CELSR3: variants seen among roughly 807,000 people sequenced by gnomAD.
The protein encoded by CELSR3 is EGF-like protein 1.
In CELSR3, 73 loss-of-function variants were observed where a neutral mutation model predicts 270.0. The observed-to-expected ratio is 0.27, with a 90% CI of 0.22 to 0.33. CELSR3 has a LOEUF of 0.33. Among genes scored for constraint, CELSR3 ranks in the 10% least tolerant of loss-of-function variants. CELSR3 has a pLI of 1.00. For missense variants in CELSR3, 3,614 were observed against 4,533.8 expected (o/e 0.80, Z 5.83); for synonymous variants, 1,780 against 1,905.4 (o/e 0.93, Z 1.71).
In CELSR3 at chr3:48,638,742, G is replaced by A. The variant is rs561617013; in HGVS notation, c.9912-510C>T. On this transcript the variant is annotated intron_variant, in intron 34 of 34. Coordinates refer to ENST00000164024, the MANE Select transcript of CELSR3 (RefSeq NM_001407.3). ...GCTAGACTGCAGGGGGACCCAGGCC[G>A]TGGGTTAGCTCCCTCTGGTCCCCAC... Among the ~76,000 whole-genome samples the A allele has an allele frequency of 2.4e-4, 36 of 149,856 alleles. 1 individual carries two copies. The highest frequency in any genetic ancestry group is 8.4e-4 in the African/African-American group (33 of 39,346).
chr3:48,655,637 T>A lies in CELSR3; in HGVS notation c.4741+99A>T, dbSNP rs890806769. The A allele has an allele frequency of 9.5e-7, 1 of 1,053,878 alleles. No individual in the cohort carries two copies. Among genetic ancestry groups the A allele is most frequent in the Non-Finnish European group, 1.5e-6 (1 of 677,624 alleles). The allele number at this position is 1,053,878 out of a possible 1,614,324, so 65.3% of individuals were successfully genotyped here. On this transcript the variant is annotated intron_variant, in intron 4 of 34. Coordinates refer to ENST00000164024, the MANE Select transcript of CELSR3 (RefSeq NM_001407.3). This position sits in a 1 kb window ranked among gnomAD's most constrained non-coding sequence, Gnocchi z 5.8. ...TCTTCAGGGCTTGCATGGCGTGGAGTGTGTGCTCAGGTGCACAGTGAAGCA... is the reference window on the plus strand; with the variant it reads ...TCTTCAGGGCTTGCATGGCGTGGAGAGTGTGCTCAGGTGCACAGTGAAGCA...
In CELSR3 at chr3:48,658,966, C is replaced by A; in HGVS notation, c.3669G>T (p.Gln1223His). Residue 1223 changes from glutamine to histidine, a missense_variant, in exon 1 of 35, where the codon CAG becomes CAT. Physicochemically the swap from Gln to His is conservative, Grantham distance 24. Around this residue, in one of 7 missense-constraint regions of CELSR3, gnomAD observed 1,331 missense variants for 1,933.7 expected, o/e 0.69. Coordinates refer to ENST00000164024, the MANE Select transcript of CELSR3 (RefSeq NM_001407.3). The surrounding 1 kb of genome is among the most constrained non-coding windows in gnomAD (Gnocchi z 4.7). ...GGCTGAGTCGCAGCTCCCCACTGGT[C>A]TGGTTGACTACCAGCAGCTGCAGCT... ...GNELQLLVVN[Q>H]TSGELRLSRK... 1 of 1,614,206 alleles carries A rather than the reference C, an allele frequency of 6.2e-7. No individual in the cohort carries two copies. Among genetic ancestry groups the A allele is most frequent in the Non-Finnish European group, 8.5e-7 (1 of 1,180,046 alleles).
In CELSR3 at chr3:48,642,073, G is replaced by A. The variant is rs2047032161; in HGVS notation, c.8666-64C>T. The A allele has an allele frequency of 2.1e-6, 3 of 1,463,112 alleles. No homozygotes were observed. Among genetic ancestry groups the A allele is most frequent in the Non-Finnish European group, 1.8e-6 (2 of 1,095,446 alleles). 90.6% of individuals were successfully genotyped at this position (1,463,112 alleles called of 1,614,324 possible). A position where few individuals can be genotyped will look rare whatever the true frequency, so the allele number is the denominator to read the frequency against. ...GGACTTGGAGATAAGGGAATTTGGA[G>A]TTGAGGGTCTAGAGGTGGGTACGGC... On this transcript the variant is annotated intron_variant, in intron 31 of 34. Transcript: ENST00000164024. This position sits in a 1 kb window ranked among gnomAD's most constrained non-coding sequence, Gnocchi z 6.1.
In CELSR3 at chr3:48,658,449, G is replaced by T. The variant is rs1177504536; in HGVS notation, c.3748+438C>A. On this transcript the variant is annotated intron_variant, in intron 1 of 34. Coordinates refer to ENST00000164024, the MANE Select transcript of CELSR3 (RefSeq NM_001407.3). This position sits in a 1 kb window ranked among gnomAD's most constrained non-coding sequence, Gnocchi z 4.7. Reference sequence around the variant, plus strand: ...GCTTCCATAGTAAGCTGCTGTTCCTGACCACTCAAGTATTGGTCATTTCCT... The same window carrying T: ...GCTTCCATAGTAAGCTGCTGTTCCTTACCACTCAAGTATTGGTCATTTCCT... 6.6e-6 allele frequency among the ~76,000 whole-genome samples: 1 copy of T among 152,214 alleles called. No homozygotes were observed. Among genetic ancestry groups the T allele is most frequent in the Non-Finnish European group, 1.5e-5 (1 of 68,040 alleles).
Position 48,650,398 on chromosome 3 carries a change from T to G in CELSR3, c.6472+82A>C. 8.8e-6 allele frequency: 10 copies of G among 1,138,824 alleles called. No individual in the cohort carries two copies. The highest frequency in any genetic ancestry group is 2.7e-5 in the East Asian group (1 of 37,482). 70.5% of individuals were successfully genotyped at this position (1,138,824 alleles called of 1,614,324 possible). A position where few individuals can be genotyped will look rare whatever the true frequency, so the allele number is the denominator to read the frequency against. ...TCTTTGCAGGAACAAAGCCACCCAA[T>G]TTAGGAAAAGACATGGCTCTAGCAG... On this transcript the variant is annotated intron_variant, in intron 16 of 34. Coordinates refer to ENST00000164024, the MANE Select transcript of CELSR3 (RefSeq NM_001407.3). The surrounding 1 kb of genome is among the most constrained non-coding windows in gnomAD (Gnocchi z 5.1).
In CELSR3 at chr3:48,652,483, G is replaced by A. The variant is rs1222911615; in HGVS notation, c.5705C>T (p.Pro1902Leu). ...VKQLHVGGLPPGSAEEAPQGL... is the reference protein window; with the variant it reads ...VKQLHVGGLPLGSAEEAPQGL... ...CTGAGGAGCCTCCTCTGCACTGCCG[G>A]GGGGCAGGCCTCCCACGTGGAGCTG... The change falls in exon 11 of 35, where the codon CCC becomes CTC. Residue 1902 changes from proline (P) to leucine (L), a missense_variant. By Grantham distance (98) the Pro-to-Leu change is moderately conservative. Around this residue, in one of 7 missense-constraint regions of CELSR3, gnomAD observed 1,331 missense variants for 1,933.7 expected, o/e 0.69. Coordinates refer to ENST00000164024, the MANE Select transcript of CELSR3 (RefSeq NM_001407.3). The surrounding 1 kb of genome is among the most constrained non-coding windows in gnomAD (Gnocchi z 4.3). 1 of 1,613,758 alleles carries A rather than the reference G, an allele frequency of 6.2e-7. No homozygotes were observed. Among genetic ancestry groups the A allele is most frequent in the Non-Finnish European group, 8.5e-7 (1 of 1,179,980 alleles).
Position 48,654,566 on chromosome 3 carries a change from A to G in CELSR3, c.4989-114T>C. On this transcript the variant is annotated intron_variant, in intron 6 of 34. Transcript: ENST00000164024. This position sits in a 1 kb window ranked among gnomAD's most constrained non-coding sequence, Gnocchi z 5.4. ...CAGAGGGTAGGGTGATTGAGGGAGG[A>G]AAATAAGGCCGAGCTGTGGAAGGAG... is the stretch of plus-strand genomic sequence containing the variant. The G allele has an allele frequency of 1.1e-6, 1 of 882,520 alleles. No homozygotes were observed. Among genetic ancestry groups the G allele is most frequent in the Non-Finnish European group, 1.7e-6 (1 of 581,728 alleles). 54.7% of individuals were successfully genotyped at this position (882,520 alleles called of 1,614,324 possible).
rs1416057919 is a variant in CELSR3 at position 48,650,986 on chromosome 3, G to A, written c.6276C>T (p.His2092=). 1.2e-6 allele frequency: 2 copies of A among 1,611,376 alleles called. No homozygotes were observed. Among genetic ancestry groups the A allele is most frequent in the Non-Finnish European group, 8.5e-7 (1 of 1,179,468 alleles). ...CTGGGCGACAGGGGCACTGCCCGCT[G>A]TGGGGTGCACATGAGCGCGAGGTGG... ...VGSTSRSCAP[H]SGQCPCRPGA... is the part of the protein sequence containing the mutation. The change falls in exon 15 of 35, where the codon CAC becomes CAT. Residue 2092 remains histidine, a synonymous_variant. Coordinates refer to ENST00000164024, the MANE Select transcript of CELSR3 (RefSeq NM_001407.3). The surrounding 1 kb of genome is among the most constrained non-coding windows in gnomAD (Gnocchi z 5.1).
rs376108668 is a variant in CELSR3, at chr3:48,646,302, T to C, written c.7296-45A>G. The C allele has an allele frequency of 1.0e-5, 16 of 1,560,924 alleles. 2 individuals carry two copies. The highest frequency in any genetic ancestry group is 3.5e-5 in the South Asian group (3 of 85,108). The stretch of plus-strand genomic sequence containing the variant: ...GGCTTACGCACTGCTGACCTCCCCA[T>C]GCTCAGCCTGCTTGCCTCACCCCGT... On this transcript the variant is annotated intron_variant, in intron 21 of 34. Coordinates refer to ENST00000164024, the MANE Select transcript of CELSR3 (RefSeq NM_001407.3). The surrounding 1 kb of genome is among the most constrained non-coding windows in gnomAD (Gnocchi z 4.8).
At chr3:48,648,629 G>C in intron 18 of CELSR3, 90 bp downstream of exon 18, 1 of 1,477,948 alleles carries the variant, frequency 6.8e-7, no homozygotes, top group Admixed American at 1.9e-5. Flanking sequence ...CACTTCCCAA[G>C]AGAACAGCAG....
chr3:48,643,284 G>A (rs984103306), intron 28 of CELSR3: 11 of 623,452 alleles, frequency 1.8e-5, no homozygotes, highest in African/African-American at 7.4e-5. Flanking sequence ...CTGTAAGGTC[G>A]GTGTGGATCA....
Position 48,642,109 on chromosome 3 carries a change from G to T in CELSR3, c.8666-100C>A. 1.7e-6 allele frequency: 2 copies of T among 1,211,466 alleles called. No individual in the cohort carries two copies. The highest frequency in any genetic ancestry group is 1.6e-5 in the South Asian group (1 of 63,046). The allele number at this position is 1,211,466 out of a possible 1,614,324, so 75.0% of individuals were successfully genotyped here. On this transcript the variant is annotated intron_variant, in intron 31 of 34. Transcript: ENST00000164024. This position sits in a 1 kb window ranked among gnomAD's most constrained non-coding sequence, Gnocchi z 6.1. Reference sequence around the variant, plus strand: ...AGAGGTGGGTACGGCAAGGGGGTTAGGGTTGGGGACAGGAACCGGGGCTTG... The same window carrying T: ...AGAGGTGGGTACGGCAAGGGGGTTATGGTTGGGGACAGGAACCGGGGCTTG...
rs1281118570 is a variant in CELSR3 at position 48,650,446 on chromosome 3, C to A, written c.6472+34G>T. The stretch of plus-strand genomic sequence containing the variant: ...CAGTCAGAGTACAGGCCCACCCCCA[C>A]CCTCAGTGATGTCCTTTCCCCCCAC... On this transcript the variant is annotated intron_variant, in intron 16 of 34. Transcript: ENST00000164024. This position sits in a 1 kb window ranked among gnomAD's most constrained non-coding sequence, Gnocchi z 5.1. 1 of 1,027,594 alleles carries A rather than the reference C, an allele frequency of 9.7e-7. No homozygotes were observed. The highest frequency in any genetic ancestry group is 3.3e-5 in the East Asian group (1 of 30,668). 63.7% of individuals were successfully genotyped at this position (1,027,594 alleles called of 1,614,324 possible). A position where few individuals can be genotyped will look rare whatever the true frequency, so the allele number is the denominator to read the frequency against.
In CELSR3 at chr3:48,641,458, G is replaced by A. The variant is rs768236832; in HGVS notation, c.8891C>T (p.Ala2964Val). The A allele has an allele frequency of 1.2e-6, 2 of 1,612,054 alleles. No individual in the cohort carries two copies. The highest frequency in any genetic ancestry group is 1.7e-6 in the Non-Finnish European group (2 of 1,179,516). ...CCTTTCAGAGCCCCAAGTCTGCAGA[G>A]CACAGGGGGCTGCCTCGCACTCCCC... ...ALGECEAAPC[A>V]LQTWGSERRL... The change falls in exon 33 of 35, where the codon GCT (alanine) becomes GTT (valine). Residue 2964 changes from alanine to valine, a missense_variant. Transcript: ENST00000164024. This position sits in a 1 kb window ranked among gnomAD's most constrained non-coding sequence, Gnocchi z 4.8.
At position 48,644,487 on chromosome 3, in the gene CELSR3, G is replaced by A. The variant is rs1220666978; in HGVS notation, c.8086-192C>T. 6.6e-6 allele frequency among the ~76,000 whole-genome samples: 1 copy of A among 152,144 alleles called. No individual in the cohort carries two copies. The highest frequency in any genetic ancestry group is 2.4e-5 in the African/African-American group (1 of 41,434). ...ATTGGGAACCAGAGAGGGACTGAGA[G>A]AGAGAAGCAGAGACAGAGGCAGGGA... On this transcript the variant is annotated intron_variant, in intron 26 of 34. Transcript: ENST00000164024. The surrounding 1 kb of genome is among the most constrained non-coding windows in gnomAD (Gnocchi z 4.8).
In CELSR3 at chr3:48,653,643, C is replaced by T; in HGVS notation, c.5424G>A (p.Gly1808=). The stretch of plus-strand genomic sequence containing the variant: ...CCTGGCAAAGGAGCGTGCTGTGTGG[C>T]CCAGCCTGCACTTGCATCAGGACCC... ...TQGVLMQVQA[G]PHSTLLCQLD... The change falls in exon 9 of 35, where the codon GGG becomes GGA. Residue 1808 remains glycine (G), a synonymous_variant. Coordinates refer to ENST00000164024, the MANE Select transcript of CELSR3 (RefSeq NM_001407.3). This position sits in a 1 kb window ranked among gnomAD's most constrained non-coding sequence, Gnocchi z 6.5. 6.2e-7 allele frequency: 1 copy of T among 1,614,074 alleles called. No individual in the cohort carries two copies. Among genetic ancestry groups the T allele is most frequent in the South Asian group, 1.1e-5 (1 of 91,084 alleles).
In CELSR3 at chr3:48,644,343, A is replaced by G. The variant is rs779213553; in HGVS notation, c.8086-48T>C. 12 of 1,550,590 alleles carry G rather than the reference A, an allele frequency of 7.7e-6. No individual in the cohort carries two copies. Among genetic ancestry groups the G allele is most frequent in the Admixed American group, 3.4e-5 (2 of 59,686 alleles). On this transcript the variant is annotated intron_variant, in intron 26 of 34. Transcript: ENST00000164024. The surrounding 1 kb of genome is among the most constrained non-coding windows in gnomAD (Gnocchi z 4.8). ...GGGGCCGGGCAGGGCAGAGAGAGAG[A>G]GAGAGAGAGAGGCAATGAGAGACAG...
Position 48,640,042 on chromosome 3 carries a change from TGA to T in CELSR3, c.9541_9542del (p.Ser3181LysfsTer15). 1 of 1,610,036 alleles carries T rather than the reference TGA, an allele frequency of 6.2e-7. No homozygotes were observed. Among genetic ancestry groups the T allele is most frequent in the Non-Finnish European group, 8.5e-7 (1 of 1,178,928 alleles). ...GCCGGGATGGCAAGAGGGGGTCCCT[TGA>T]GAGTTGCCGCTGGGGAGACAGGGGC... ...PLPLSPQRQL[S>X]RDPLLPSRPL... is the part of the protein sequence containing the mutation. On this transcript the variant is annotated frameshift_variant, in exon 34 of 35. Coordinates refer to ENST00000164024, the MANE Select transcript of CELSR3 (RefSeq NM_001407.3). LOFTEE classifies it high-confidence loss of function. The surrounding 1 kb of genome is among the most constrained non-coding windows in gnomAD (Gnocchi z 7.5).
At position 48,645,036 on chromosome 3, in the gene CELSR3, C is replaced by T. The variant is rs767495518; in HGVS notation, c.7971G>A (p.Leu2657=). The T allele has an allele frequency of 1.3e-6, 2 of 1,575,456 alleles. No individual in the cohort carries two copies. Among genetic ancestry groups the T allele is most frequent in the East Asian group, 2.3e-5 (1 of 44,236 alleles). ...GAGGTTGGGGGTCACAGCCCTCACC[C>T]AGCAGCACAGCAGGGACGCCCCAGC... ...ALGWGVPAVL[L]GLAVGLDPEG... is the part of the protein sequence containing the mutation. Residue 2657 remains leucine, a splice_region_variant and synonymous_variant, in exon 25 of 35, where the codon CTG becomes CTA. Transcript: ENST00000164024. This position sits in a 1 kb window ranked among gnomAD's most constrained non-coding sequence, Gnocchi z 5.4.
Sources: allele counts gnomAD v4.1 joint callset (sites outside exome capture counted in the v4.1 genomes callset), GRCh38; gene constraint gnomAD v4.1.1; regional missense constraint gnomAD v4.1.1; non-coding constraint Gnocchi (gnomAD v3.1); transcripts MANE v1.5; gene names NCBI Gene and HGNC (gene_info 2026-07-23, HGNC 2026-07-21).